The following GREM2 variants were observed in gnomAD, a reference collection of about 807,000 sequenced individuals.
GREM2 encodes the protein gremlin-2.
Under a neutral mutation model 14.2 loss-of-function variants are expected in GREM2, and 11 were observed. That is an observed-to-expected ratio of 0.78 (90% CI 0.49 to 1.28). The LOEUF (loss-of-function observed/expected upper bound fraction) is 1.28. GREM2 is among the 50% of genes most tolerant of loss of function. The pLI, the probability that GREM2 is intolerant of heterozygous loss-of-function variation, is 0.00. For missense variants in GREM2, 210 were observed against 218.5 expected (o/e 0.96, Z 0.24); for synonymous variants, 98 against 97.6 (o/e 1.00, Z -0.02).
At chr1:240,574,219 C>T (rs562459706) in intron 1 of GREM2, among the ~76,000 whole-genome samples, 161 of 152,144 alleles carry the variant, frequency 1.1e-3, no homozygotes, top group South Asian at 6.8e-3. Flanking sequence ...TGCACCCAGC[C>T]TGAGATAGGT....
At chr1:240,579,466 G>A (rs977831099) in intron 1 of GREM2, among the ~76,000 whole-genome samples, 2 of 152,144 alleles carry the variant, frequency 1.3e-5, no homozygotes, top group African/African-American at 4.8e-5. Flanking sequence ...ACGTCACAGG[G>A]TAGAGGTGAG....
intron 1 of GREM2, among the ~76,000 whole-genome samples, chr1:240,532,017 A>T (rs1054168483): frequency 1.3e-5 from 2 of 152,018 alleles, no homozygotes; most frequent in African/African-American, 2.4e-5. Context: ...CCTAGAACTT[A>T]ATCTTTTAAG....
In GREM2 at chr1:240,563,007, AGTGTATGT is replaced by A. The variant is rs944558977; in HGVS notation, c.-2+48869_-2+48876del. On this transcript the variant is annotated intron_variant, in intron 1 of 1. Coordinates refer to ENST00000318160, the MANE Select transcript of GREM2 (RefSeq NM_022469.4). Reference sequence around the variant, plus strand: ...GTAAGTGTGTATGTGTGTATATGTGAGTGTATGTGTGTATGTGTGTATATGAGTGTGTA... The same window carrying A: ...GTAAGTGTGTATGTGTGTATATGTGAGTGTATGTGTGTATATGAGTGTGTA... Among the ~76,000 whole-genome samples the A allele has an allele frequency of 2.1e-3, 206 of 99,456 alleles. 2 individuals are homozygous for A. The East Asian group carries it at 0.047, about 23-fold the overall frequency. 65.2% of individuals were successfully genotyped at this position (99,456 alleles called of 152,430 possible). A position where few individuals can be genotyped will look rare whatever the true frequency, so the allele number is the denominator to read the frequency against.
At chr1:240,546,616 G>T (rs775454111) in intron 1 of GREM2, among the ~76,000 whole-genome samples, 1 of 152,168 alleles carries the variant, frequency 6.6e-6, no homozygotes, top group Non-Finnish European at 1.5e-5. Context: ...TAGAGGTATG[G>T]ACTACAGAGA....
intron 1 of GREM2, among the ~76,000 whole-genome samples, chr1:240,495,842 A>T (rs947822423): frequency 6.6e-6 from 1 of 152,310 alleles, no homozygotes; most frequent in African/African-American, 2.4e-5. Flanking sequence ...TCCTTTATTC[A>T]TCAAGTATCC....
In GREM2 at chr1:240,543,148, T is replaced by C. The variant is rs146314821; in HGVS notation, c.-1-49672A>G. Among the ~76,000 whole-genome samples the C allele has an allele frequency of 2.0e-5, 3 of 152,332 alleles. No homozygotes were observed. The highest frequency in any genetic ancestry group is 4.8e-5 in the African/African-American group (2 of 41,582). ...CTATTATTTTACATCCCCCATCAGATTGTGGATCACCTAAGGCTAGGGCCA... is the reference window on the plus strand; with the variant it reads ...CTATTATTTTACATCCCCCATCAGACTGTGGATCACCTAAGGCTAGGGCCA... On this transcript the variant is annotated intron_variant, in intron 1 of 1. Transcript: ENST00000318160. This position sits in a 1 kb window ranked among gnomAD's most constrained non-coding sequence, Gnocchi z 6.4.
chr1:240,585,624 G>A (rs190855697), intron 1 of GREM2, among the ~76,000 whole-genome samples: 1 of 150,748 alleles, frequency 6.6e-6, no homozygotes, highest in East Asian at 2.0e-4. Context: ...CAGCTACTCA[G>A]GAGGCTGAGG....
At chr1:240,600,873 TC>T (rs1679909226) in intron 1 of GREM2, among the ~76,000 whole-genome samples, 1 of 152,242 alleles carries the variant, frequency 6.6e-6, no homozygotes, top group Non-Finnish European at 1.5e-5. Context: ...TCCTGCTATT[TC>T]TAGCTCTGGT....
At chr1:240,552,462 G>A (rs1678871129) in intron 1 of GREM2, among the ~76,000 whole-genome samples, 1 of 152,128 alleles carries the variant, frequency 6.6e-6, no homozygotes, top group Non-Finnish European at 1.5e-5. Context: ...CAGCCATGGT[G>A]GTATATGCTA....
chr1:240,533,566 A>T (rs1407214357), intron 1 of GREM2, among the ~76,000 whole-genome samples: 1 of 113,408 alleles, frequency 8.8e-6, no homozygotes, highest in African/African-American at 2.9e-5. Flanking sequence ...AGGAGGCACA[A>T]CTGGGACAAG....
At chr1:240,529,899 C>G (rs564288073) in intron 1 of GREM2, among the ~76,000 whole-genome samples, 2 of 152,244 alleles carry the variant, frequency 1.3e-5, no homozygotes, top group African/African-American at 4.8e-5. Context: ...ACAGAGGCAG[C>G]CCTTACTTTC....
intron 1 of GREM2, among the ~76,000 whole-genome samples, chr1:240,567,067 G>T (rs541906682): frequency 9.9e-5 from 15 of 152,166 alleles, no homozygotes; most frequent in African/African-American, 3.4e-4. Flanking sequence ...TTAAAAATAC[G>T]CTGGATAGGA....
rs992102911 is a variant in GREM2, at chr1:240,542,037, G to C, written c.-1-48561C>G. On this transcript the variant is annotated intron_variant, in intron 1 of 1. Transcript: ENST00000318160. This position sits in a 1 kb window ranked among gnomAD's most constrained non-coding sequence, Gnocchi z 4.1. ...ACTGGTTGTGATTTTGCCCCTCAGG[G>C]GACATTTGTCAATGTGTGGAGGCAT... 2.0e-5 allele frequency among the ~76,000 whole-genome samples: 3 copies of C among 152,044 alleles called. No individual in the cohort carries two copies. The highest frequency in any genetic ancestry group is 2.0e-4 in the Admixed American group (3 of 15,258).
intron 1 of GREM2, among the ~76,000 whole-genome samples, chr1:240,551,433 T>C (rs529783842): frequency 6.6e-6 from 1 of 152,256 alleles, no homozygotes; most frequent in Admixed American, 6.5e-5. Flanking sequence ...ACTGCAACTT[T>C]CGCCTCCTGG....
At chr1:240,589,573 T>G (rs1375633942) in intron 1 of GREM2, among the ~76,000 whole-genome samples, 3 of 152,238 alleles carry the variant, frequency 2.0e-5, no homozygotes, top group Admixed American at 2.0e-4. Context: ...TTCTACTTTC[T>G]TTGGTACCTA....
chr1:240,502,032 C>T (rs535637370), intron 1 of GREM2, among the ~76,000 whole-genome samples: 277 of 152,180 alleles, frequency 1.8e-3, no homozygotes, highest in Non-Finnish European at 2.7e-3. Context: ...ATCATGCTCT[C>T]GTGATTCCAC....
At chr1:240,605,926 T>C (rs935637362) in intron 1 of GREM2, among the ~76,000 whole-genome samples, 1 of 152,166 alleles carries the variant, frequency 6.6e-6, no homozygotes, top group Non-Finnish European at 1.5e-5. Flanking sequence ...TAATTGATTT[T>C]TCATGACATT....
At chr1:240,604,306 C>CGTGTGT (rs774984288) in intron 1 of GREM2, among the ~76,000 whole-genome samples, 3 of 117,358 alleles carry the variant, frequency 2.6e-5, no homozygotes, top group South Asian at 5.2e-4. Context: ...TATAACTATA[C>CGTGTGT]GTATGTGTGT....
rs1678644492 is a variant in GREM2, at chr1:240,543,422, G to C, written c.-1-49946C>G. On this transcript the variant is annotated intron_variant, in intron 1 of 1. Transcript: ENST00000318160. This position sits in a 1 kb window ranked among gnomAD's most constrained non-coding sequence, Gnocchi z 6.4. ...GTCTTACATGGTGGTAAGCAGGAGA[G>C]TTTGTTCAGGGGAACTCCCATATAT... Among the ~76,000 whole-genome samples the C allele has an allele frequency of 6.6e-6, 1 of 152,202 alleles. No homozygotes were observed. The highest frequency in any genetic ancestry group is 2.1e-4 in the South Asian group (1 of 4,830).
Sources: gnomAD v4.1 joint callset for allele counts (sites outside exome capture counted in the v4.1 genomes callset) on GRCh38, gnomAD v4.1.1 for gene constraint, Gnocchi (gnomAD v3.1) non-coding constraint, MANE v1.5 for transcripts, NCBI Gene and HGNC (gene_info 2026-07-23, HGNC 2026-07-21) for gene names.